The following RIC8B variants were observed in gnomAD, a reference collection of about 807,000 sequenced individuals.
RIC8B encodes the protein chaperone Ric-8B.
In RIC8B, 16 loss-of-function variants were observed where a neutral mutation model predicts 57.5. The observed-to-expected ratio is 0.28, with a 90% CI of 0.19 to 0.42. RIC8B has a LOEUF of 0.42. Ranked by LOEUF, RIC8B falls within the 10% of genes least tolerant of loss-of-function variation. The pLI is 1.00. For missense variants in RIC8B, 481 were observed against 677.0 expected, an observed-to-expected ratio of 0.71 and a Z score of 3.21; for synonymous variants, 216 against 250.8, an observed-to-expected ratio of 0.86 and a Z score of 1.31.
chr12:106,868,216 A>AT (rs571101532), intron 8 of RIC8B: 14 of 448,382 alleles, frequency 3.1e-5, no homozygotes, highest in Admixed American at 1.7e-4. Flanking sequence ...TCCTGATTTC[A>AT]TTTTTTTCCC....
chr12:106,789,929 C>CAA (rs35721528), intron 2 of RIC8B, among the ~76,000 whole-genome samples: 14,301 of 142,572 alleles, frequency 0.1, 765 homozygotes, highest in South Asian at 0.16. Flanking sequence ...CAGTGCCCTT[C>CAA]AAAAAAAAAA....
rs1392728674 is a variant in RIC8B, at chr12:106,888,170, A to T, written c.*2155A>T. On this transcript the variant is annotated 3_prime_UTR_variant, in exon 10 of 10. Coordinates refer to ENST00000392837, the MANE Select transcript of RIC8B (RefSeq NM_001330145.2). Reference sequence around the variant, plus strand: ...AAATGCCATCTTACCAGCTTTCTTTATGCAGAGTAAGTGTTTGAACAGTCC... The same window carrying T: ...AAATGCCATCTTACCAGCTTTCTTTTTGCAGAGTAAGTGTTTGAACAGTCC... 6.6e-6 allele frequency: 1 copy of T among 152,354 alleles called. No individual in the cohort carries two copies. Among genetic ancestry groups the T allele is most frequent in the Non-Finnish European group, 1.5e-5 (1 of 68,024 alleles). 9.4% of individuals were successfully genotyped at this position (152,354 alleles called of 1,614,324 possible).
intron 2 of RIC8B, among the ~76,000 whole-genome samples, chr12:106,792,771 T>A (rs1315340200): frequency 1.3e-5 from 2 of 152,110 alleles, no homozygotes; most frequent in Non-Finnish European, 2.9e-5. Flanking sequence ...GCCACTGCAC[T>A]CCAGCATGGG....
At chr12:106,814,526 C>T (rs2045485037) in intron 2 of RIC8B, among the ~76,000 whole-genome samples, 170 bp from the exon 3 acceptor site, 1 of 152,180 alleles carries the variant, frequency 6.6e-6, no homozygotes, top group South Asian at 2.1e-4. Flanking sequence ...TGTCTTCCAT[C>T]CTGATGGTGA....
intron 2 of RIC8B, among the ~76,000 whole-genome samples, chr12:106,799,287 G>C (rs1239975488): frequency 6.6e-6 from 1 of 152,084 alleles, no homozygotes; most frequent in African/African-American, 2.4e-5. Flanking sequence ...TTCTTGATCT[G>C]TTTGTCCATC....
chr12:106,809,892 CTG>C (rs933768011), intron 2 of RIC8B, among the ~76,000 whole-genome samples: 3 of 151,934 alleles, frequency 2.0e-5, no homozygotes, highest in Non-Finnish European at 4.4e-5. Context: ...TTATTGGTAA[CTG>C]TAATTGACCT....
chr12:106,879,133 C>A lies in RIC8B; in HGVS notation c.1572-6771C>A. ...AAGCTGAAACTCGTATAGGTAAATT[C>A]GAAGGGACTCTTGGGAGATCTGCAA... On this transcript the variant is annotated intron_variant, in intron 9 of 9. Coordinates refer to ENST00000392837, the MANE Select transcript of RIC8B (RefSeq NM_001330145.2). This position sits in a 1 kb window ranked among gnomAD's most constrained non-coding sequence, Gnocchi z 4.9. 1.0e-6 allele frequency: 1 copy of A among 985,680 alleles called. No individual in the cohort carries two copies. The highest frequency in any genetic ancestry group is 1.2e-6 in the Non-Finnish European group (1 of 829,902). 61.1% of individuals were successfully genotyped at this position (985,680 alleles called of 1,614,324 possible).
chr12:106,809,049 G>A (rs149426462), intron 2 of RIC8B, among the ~76,000 whole-genome samples: 620 of 152,146 alleles, frequency 4.1e-3, no homozygotes, highest in Non-Finnish European at 6.6e-3. Flanking sequence ...TTTAATGCAC[G>A]GTGTGGAGGG....
intron 2 of RIC8B, among the ~76,000 whole-genome samples, chr12:106,791,035 T>C (rs1050551546): frequency 6.6e-6 from 1 of 152,206 alleles, no homozygotes; most frequent in African/African-American, 2.4e-5. Context: ...GAAAAGAACT[T>C]GGTGAGTGAG....
chr12:106,861,042 T>A (rs1002407846), intron 8 of RIC8B, among the ~76,000 whole-genome samples: 3 of 152,054 alleles, frequency 2.0e-5, no homozygotes, highest in African/African-American at 7.2e-5. Flanking sequence ...TTCTCTTTTA[T>A]CCCAAGATAA....
chr12:106,776,808 G>A (rs564256307), intron 1 of RIC8B, among the ~76,000 whole-genome samples: 4 of 152,254 alleles, frequency 2.6e-5, no homozygotes, highest in African/African-American at 9.6e-5. Flanking sequence ...TGTAATTTTG[G>A]GATCAAGCCT....
chr12:106,791,512 G>T (rs1427753773), intron 2 of RIC8B, among the ~76,000 whole-genome samples: 1 of 152,134 alleles, frequency 6.6e-6, no homozygotes, highest in Non-Finnish European at 1.5e-5. Context: ...TACTCAGTTT[G>T]GGGCAGTATT....
Position 106,805,966 on chromosome 12 carries a change from T to C in RIC8B, c.133-8730T>C, listed in dbSNP as rs975404277. Among the ~76,000 whole-genome samples, 9 of 152,326 alleles carry C rather than the reference T, an allele frequency of 5.9e-5. No individual in the cohort carries two copies. In the East Asian group the frequency reaches 1.5e-3, roughly 26 times the overall value. ...GTGTTTGGTTTTTTTCTTTTCTTTT[T>C]GAGATGGAGTTTTGCTCTTGTTGCC... On this transcript the variant is annotated intron_variant, in intron 2 of 9. Coordinates refer to ENST00000392837, the MANE Select transcript of RIC8B (RefSeq NM_001330145.2).
At chr12:106,848,360 G>C (rs1949302204) in intron 6 of RIC8B, among the ~76,000 whole-genome samples, 1 of 152,206 alleles carries the variant, frequency 6.6e-6, no homozygotes, top group African/African-American at 2.4e-5. Flanking sequence ...TACGGAAGTT[G>C]TAAGGACCTT....
rs1210372246 is a variant in RIC8B at position 106,822,092 on chromosome 12, A to G, written c.742-3634A>G. Among the ~76,000 whole-genome samples, 259 of 150,586 alleles carry G rather than the reference A, an allele frequency of 1.7e-3. 10 individuals are homozygous for G. In the South Asian group the frequency reaches 0.052, roughly 30 times the overall value. ...GACTCCATCTCAAAAAAAAAAAAAA[A>G]AAAAAAAAAGAAGAAAAAAAAAGAA... On this transcript the variant is annotated intron_variant, in intron 3 of 9. Coordinates refer to ENST00000392837, the MANE Select transcript of RIC8B (RefSeq NM_001330145.2).
intron 2 of RIC8B, among the ~76,000 whole-genome samples, chr12:106,813,024 A>G (rs1463543149): frequency 1.3e-5 from 2 of 152,144 alleles, no homozygotes; most frequent in Admixed American, 6.6e-5. Flanking sequence ...ACTCAAGGAA[A>G]AAAAGGATAG....
At chr12:106,802,910 T>C (rs1461242594) in intron 2 of RIC8B, among the ~76,000 whole-genome samples, 4 of 151,788 alleles carry the variant, frequency 2.6e-5, no homozygotes, top group Admixed American at 2.6e-4. Flanking sequence ...GAAATATCAG[T>C]TTAAAAAAAA....
At chr12:106,779,964 C>A (rs551913939) in intron 1 of RIC8B, among the ~76,000 whole-genome samples, 26 of 150,618 alleles carry the variant, frequency 1.7e-4, no homozygotes, top group Non-Finnish European at 3.5e-4. Flanking sequence ...GGGCCTCAGC[C>A]TCCCAAAGTG....
intron 8 of RIC8B, among the ~76,000 whole-genome samples, chr12:106,869,849 G>T (rs1326631145): frequency 1.3e-5 from 2 of 152,170 alleles, no homozygotes; most frequent in Non-Finnish European, 2.9e-5. Flanking sequence ...TGAGGCAGGA[G>T]AATCACTTGA....
Sources: allele counts gnomAD v4.1 joint callset (sites outside exome capture counted in the v4.1 genomes callset), GRCh38; gene constraint gnomAD v4.1.1; non-coding constraint Gnocchi (gnomAD v3.1); transcripts MANE v1.5; gene names NCBI Gene and HGNC (gene_info 2026-07-23, HGNC 2026-07-21).